The following PLEC variants were observed in gnomAD, a reference collection of about 807,000 sequenced individuals.
PLEC encodes the protein hemidesmosomal protein 1.
Under a neutral mutation model 392.8 loss-of-function variants are expected in PLEC, and 216 were observed. The observed-to-expected ratio is 0.55, with a 90% CI of 0.49 to 0.62. PLEC has a LOEUF of 0.62. PLEC is among the 20% of genes least tolerant of loss of function. The probability of loss-of-function intolerance (pLI) is 0.00; values close to 1 mark genes in which losing one functional copy is unlikely to be tolerated. For synonymous variants in PLEC, 3,621 were observed against 2,980.6 expected (o/e 1.21, Z -7.00); for missense variants, 6,863 against 6,563.4 (o/e 1.05, Z -1.58).
chr8:143,934,163 G>T, intron 11 of PLEC, 72 bp from the exon 12 acceptor site: 1 of 1,585,692 alleles, frequency 6.3e-7, no homozygotes. Flanking sequence ...ACTGCAGCTC[G>T]CCTCCCGCTC....
Position 143,919,807 on chromosome 8 carries a change from G to A in PLEC, c.10014C>T (p.Val3338=), listed in dbSNP as rs35775257. Residue 3338 remains valine (V), a synonymous_variant, in exon 32 of 32, where the codon GTC becomes GTT. Coordinates refer to ENST00000345136, the MANE Select transcript of PLEC (RefSeq NM_201384.3). ...FEQLKDGKTT[V]KDLSELGSVR... ...CGGAGCCCAGCTCCGAAAGGTCCTTGACCGTCGTCTTGCCGTCCTTGAGCT... is the reference window on the plus strand; with the variant it reads ...CGGAGCCCAGCTCCGAAAGGTCCTTAACCGTCGTCTTGCCGTCCTTGAGCT... 7.3e-3 allele frequency: 11,790 copies of A among 1,613,006 alleles called. 795 individuals carry two copies. In the African/African-American group the frequency reaches 0.14, roughly 19 times the overall value.
chr8:143,927,321 C>A lies in PLEC; in HGVS notation c.3771G>T (p.Glu1257Asp), dbSNP rs1313895406. The change falls in exon 28 of 32, where the codon GAG becomes GAT. Residue 1257 changes from glutamate (E) to aspartate (D), a missense_variant. Physicochemically the swap from Glu to Asp is conservative, Grantham distance 45. Coordinates refer to ENST00000345136, the MANE Select transcript of PLEC (RefSeq NM_201384.3). ...CGACCTTCTCGCCGTGGCGCTCGAT[C>A]TCCTCCAGCAGGGCCTGGGTGATGG... is the stretch of plus-strand genomic sequence containing the variant. The part of the protein sequence containing the change: ...QLRQEQALLE[E>D]IERHGEKVEE... The A allele has an allele frequency of 6.2e-7, 1 of 1,613,050 alleles. No individual in the cohort carries two copies. The highest frequency in any genetic ancestry group is 8.5e-7 in the Non-Finnish European group (1 of 1,179,966).
chr8:143,945,080 G>C, intron 1 of PLEC: 1 of 403,050 alleles, frequency 2.5e-6, no homozygotes, highest in Non-Finnish European at 4.8e-6. Context: ...TGCCAAGCCA[G>C]GGGGTGCTCT....
At chr8:143,958,786 C>T, upstream of PLEC, 1 of 339,604 alleles carries the variant, frequency 2.9e-6, no homozygotes, top group Non-Finnish European at 6.3e-6. The surrounding 1 kb of genome is among the most constrained non-coding windows in gnomAD (Gnocchi z 4.9). Context: ...CCCTCTCAGC[C>T]CTCCAACACC....
upstream of PLEC, chr8:143,944,060 C>T: frequency 3.3e-6 from 3 of 915,738 alleles, no homozygotes; most frequent in Non-Finnish European, 4.8e-6. Flanking sequence ...CAACAGCTCC[C>T]GCCCGCCTCC....
chr8:143,934,022 G>T lies in PLEC; in HGVS notation c.1239C>A (p.Asn413Lys). ...CCGACTGCAGCAGGGCGTCGGCCTG[G>T]TTCAGCTGCTCCTCACACAGCCCCG... ...MEAGLCEEQLNQADALLQSDV... is the reference protein window; with the variant it reads ...MEAGLCEEQLKQADALLQSDV... The change falls in exon 12 of 32, where the codon AAC becomes AAA. Residue 413 changes from asparagine to lysine, a missense_variant. Asn to Lys is a moderately conservative substitution (Grantham distance 94, BLOSUM62 0). Transcript: ENST00000345136. The T allele has an allele frequency of 6.2e-7, 1 of 1,610,296 alleles. No homozygotes were observed. The highest frequency in any genetic ancestry group is 8.5e-7 in the Non-Finnish European group (1 of 1,179,310).
At position 143,930,260 on chromosome 8, in the gene PLEC, G is replaced by A. The variant is rs1554713386; in HGVS notation, c.2496C>T (p.Gly832=). ...CCTTCCAGTGGGACGGCTGTGCAGG[G>A]CCCACCAGCTGGCACTCGTCACCCT... The part of the protein sequence containing the change: ...VHKGDECQLV[G]PAQPSHWKVL... Residue 832 remains glycine, a synonymous_variant, in exon 21 of 32, where the codon GGC becomes GGT. Transcript: ENST00000345136. The A allele has an allele frequency of 1.9e-6, 3 of 1,601,274 alleles. No individual in the cohort carries two copies. The highest frequency in any genetic ancestry group is 1.1e-5 in the South Asian group (1 of 90,048).
intron 1 of PLEC, among the ~76,000 whole-genome samples, chr8:143,967,358 A>T (rs1337339084): frequency 1.0e-5 from 1 of 98,644 alleles, no homozygotes; most frequent in East Asian, 2.4e-4. Flanking sequence ...GCGAGACTCC[A>T]TCTCAAAAAA....
At chr8:143,958,603 A>G (rs1410030367), upstream of PLEC, 1 of 440,672 alleles carries the variant, frequency 2.3e-6, no homozygotes, top group Non-Finnish European at 4.6e-6. The surrounding 1 kb of genome is among the most constrained non-coding windows in gnomAD (Gnocchi z 4.9). Flanking sequence ...ACCTCCAAGC[A>G]CTGGACAACA....
At chr8:143,934,530 T>C in intron 10 of PLEC, 85 bp from the exon 11 acceptor site, 1 of 1,601,786 alleles carries the variant, frequency 6.2e-7, no homozygotes, top group Non-Finnish European at 8.5e-7. Flanking sequence ...CCACCAGACC[T>C]GGGACAGCCC....
At chr8:143,937,762 C>T (rs1554724660) in intron 3 of PLEC, 9 of 502,514 alleles carry the variant, frequency 1.8e-5, no homozygotes, top group Non-Finnish European at 2.7e-5. Context: ...GCGTGAGCTC[C>T]TGCTTACGTC....
rs11780911 is a variant in PLEC, at chr8:143,930,378, G to A, written c.2457+6C>T. On this transcript the variant is annotated splice_donor_region_variant and intron_variant, in intron 20 of 31. Transcript: ENST00000345136. ...GCCCCCCAGTGGACCCCCGGCCTGC[G>A]CTCACCTCCACCTGCTTATAGTCGC... 0.78 allele frequency: 1,217,861 copies of A among 1,570,352 alleles called. 482,209 individuals are homozygous for A. The highest frequency in any genetic ancestry group is 0.83 in the Non-Finnish European group (960,103 of 1,162,518).
chr8:143,950,616 G>C (rs201184249), exon 1 of PLEC: 3 of 1,602,658 alleles, frequency 1.9e-6, no homozygotes, highest in African/African-American at 2.7e-5. Flanking sequence ...CGGGGCCGCC[G>C]GTCCTTCTTG....
chr8:143,937,034 T>G lies in PLEC; in HGVS notation c.380A>C (p.Asp127Ala). 6.2e-7 allele frequency: 1 copy of G among 1,613,000 alleles called. No homozygotes were observed. The highest frequency in any genetic ancestry group is 8.5e-7 in the Non-Finnish European group (1 of 1,179,810). ...LVNIRNDDIADGNPKLTLGLI... is the reference protein window; with the variant it reads ...LVNIRNDDIAAGNPKLTLGLI... ...GCCAAGGGTCAGCTTGGGGTTGCCG[T>G]CAGCGATGTCATCATTCCTGATGTT... Residue 127 changes from aspartate (D) to alanine (A), a missense_variant, in exon 5 of 32, where the codon GAC becomes GCC. Coordinates refer to ENST00000345136, the MANE Select transcript of PLEC (RefSeq NM_201384.3).
Position 143,920,565 on chromosome 8 carries a change from G to C in PLEC, c.9256C>G (p.Leu3086Val), listed in dbSNP as rs1554682212. ...LTVDEAVRAG[L>V]VGPEFHEKLL... ...TTCTCATGAAACTCGGGGCCCACCA[G>C]GCCAGCACGCACTGCCTCGTCCACG... is the stretch of plus-strand genomic sequence containing the variant. The change falls in exon 32 of 32, where the codon CTG becomes GTG. Residue 3086 changes from leucine (L) to valine (V), a missense_variant. Leu to Val is a conservative substitution (Grantham distance 32). Coordinates refer to ENST00000345136, the MANE Select transcript of PLEC (RefSeq NM_201384.3). 1.2e-6 allele frequency: 2 copies of C among 1,611,384 alleles called. No homozygotes were observed. Among genetic ancestry groups the C allele is most frequent in the Non-Finnish European group, 1.7e-6 (2 of 1,179,834 alleles).
chr8:143,973,586 GC>G (rs1367334077), upstream of PLEC: 3 of 945,620 alleles, frequency 3.2e-6, no homozygotes, highest in African/African-American at 3.6e-5. This position sits in a 1 kb window ranked among gnomAD's most constrained non-coding sequence, Gnocchi z 5.6. Context: ...CCCCCGCCCC[GC>G]CCCCGCACCC....
At chr8:143,942,298 C>T, upstream of PLEC, 4 of 1,491,382 alleles carry the variant, frequency 2.7e-6, no homozygotes, top group Non-Finnish European at 3.7e-6. Context: ...ACCCCCATCC[C>T]AGCCCAGGCG....
rs1384365032 is a variant in PLEC, at chr8:143,927,952, C to T, written c.3301G>A (p.Ala1101Thr). ...TCGTGGGCCCTGAGCACCTCCTCGG[C>T]CCCCTGCGTGCCGCGGATCACCAGG... ...ISLVIRGTQGAEEVLRAHEEQ... is the reference protein window; with the variant it reads ...ISLVIRGTQGTEEVLRAHEEQ... Residue 1101 changes from alanine to threonine, a missense_variant, in exon 26 of 32, where the codon GCC (alanine) becomes ACC (threonine). Transcript: ENST00000345136. 6.2e-7 allele frequency: 1 copy of T among 1,602,016 alleles called. No individual in the cohort carries two copies. Among genetic ancestry groups the T allele is most frequent in the South Asian group, 1.1e-5 (1 of 90,140 alleles).
intron 11 of PLEC, 110 bp downstream of exon 11, chr8:143,934,208 G>C: frequency 6.3e-7 from 1 of 1,584,484 alleles, no homozygotes. Context: ...GTCCTAAGGC[G>C]AGTGGGAGCT....
Sources: gnomAD v4.1 joint callset for allele counts (sites outside exome capture counted in the v4.1 genomes callset) on GRCh38, gnomAD v4.1.1 for gene constraint, Gnocchi (gnomAD v3.1) non-coding constraint, MANE v1.5 for transcripts, NCBI Gene and HGNC (gene_info 2026-07-23, HGNC 2026-07-21) for gene names.